The following PCSK2 variants were observed in gnomAD, a reference collection of about 807,000 sequenced individuals.
PCSK2 encodes proprotein convertase subtilisin/kexin type 2, also known as neuroendocrine convertase 2.
PCSK2 carries 14 observed loss-of-function variants against 69.7 expected under a neutral mutation model. The observed-to-expected ratio is 0.20, with a 90% CI of 0.13 to 0.31. The LOEUF (loss-of-function observed/expected upper bound fraction) is 0.31. Among genes scored for constraint, PCSK2 ranks in the 10% least tolerant of loss-of-function variants. The pLI is 1.00. For missense variants in PCSK2, 544 were observed against 842.5 expected, an observed-to-expected ratio of 0.65 and a Z score of 4.39; for synonymous variants, 307 against 320.7, an observed-to-expected ratio of 0.96 and a Z score of 0.46.
intron 2 of PCSK2, among the ~76,000 whole-genome samples, chr20:17,352,887 T>A (rs560221624): frequency 6.6e-6 from 1 of 152,012 alleles, no homozygotes; most frequent in East Asian, 1.9e-4. Context: ...AAAGAAACTA[T>A]CAACAGAGTA....
chr20:17,239,231 A>T (rs972075075), intron 1 of PCSK2, among the ~76,000 whole-genome samples: 43 of 152,292 alleles, frequency 2.8e-4, no homozygotes, highest in African/African-American at 8.9e-4. Flanking sequence ...TATCACTTTT[A>T]TCAGGGCACC....
chr20:17,414,707 C>T (rs948676573), intron 6 of PCSK2, among the ~76,000 whole-genome samples: 2 of 152,306 alleles, frequency 1.3e-5, no homozygotes, highest in African/African-American at 4.8e-5. Flanking sequence ...CATCCTGATA[C>T]CAAAGCCTGG....
intron 2 of PCSK2, among the ~76,000 whole-genome samples, chr20:17,339,231 C>A (rs1990440515): frequency 6.6e-6 from 1 of 152,168 alleles, no homozygotes; most frequent in Non-Finnish European, 1.5e-5. Flanking sequence ...CTTTCATTTG[C>A]TTTTTGACCT....
rs76865673 is a variant in PCSK2, at chr20:17,285,855, G to A, written c.282+25511G>A. Among the ~76,000 whole-genome samples the A allele has an allele frequency of 4.2e-3, 637 of 152,288 alleles. 9 individuals carry two copies. The highest frequency in any genetic ancestry group is 0.014 in the African/African-American group (582 of 41,568). Reference sequence around the variant, plus strand: ...CAGCACATCACAGACCCACCTATGAGTCAGTACTAATGGCAGTACTAGTGG... The same window carrying A: ...CAGCACATCACAGACCCACCTATGAATCAGTACTAATGGCAGTACTAGTGG... On this transcript the variant is annotated intron_variant, in intron 2 of 11. Transcript: ENST00000262545.
At chr20:17,299,952 T>C (rs1989022073) in intron 2 of PCSK2, among the ~76,000 whole-genome samples, 1 of 152,218 alleles carries the variant, frequency 6.6e-6, no homozygotes, top group African/African-American at 2.4e-5. Context: ...AAGCTAGTCT[T>C]CTTAGAGTCT....
intron 1 of PCSK2, among the ~76,000 whole-genome samples, chr20:17,233,007 A>G (rs1395858935): frequency 6.6e-6 from 1 of 152,158 alleles, no homozygotes; most frequent in East Asian, 1.9e-4. Flanking sequence ...TGTCTGGTTG[A>G]CCTAGACCAC....
At chr20:17,236,202 G>T (rs1440270694) in intron 1 of PCSK2, among the ~76,000 whole-genome samples, 1 of 151,944 alleles carries the variant, frequency 6.6e-6, no homozygotes, top group Non-Finnish European at 1.5e-5. Context: ...AAATCATTCA[G>T]TTTAATTATT....
intron 4 of PCSK2, among the ~76,000 whole-genome samples, chr20:17,368,213 G>T (rs1461176655): frequency 1.3e-5 from 2 of 152,156 alleles, no homozygotes; most frequent in Admixed American, 1.3e-4. Flanking sequence ...GATACTTCTG[G>T]CTTTTAGATA....
intron 2 of PCSK2, chr20:17,263,113 G>A (rs1987456794): frequency 9.1e-6 from 9 of 984,848 alleles, no homozygotes; most frequent in African/African-American, 3.5e-5. Context: ...TCCAAGCTCT[G>A]CTAGCAACCC....
At position 17,453,691 on chromosome 20, in the gene PCSK2, C is replaced by A. The variant is rs573543928; in HGVS notation, c.886-51C>A. The A allele has an allele frequency of 6.2e-7, 1 of 1,601,288 alleles. No individual in the cohort carries two copies. Among genetic ancestry groups the A allele is most frequent in the African/African-American group, 1.3e-5 (1 of 74,974 alleles). On this transcript the variant is annotated intron_variant, in intron 8 of 11. Coordinates refer to ENST00000262545, the MANE Select transcript of PCSK2 (RefSeq NM_002594.5). This position sits in a 1 kb window ranked among gnomAD's most constrained non-coding sequence, Gnocchi z 4.0. ...CCTGGGCTGGAGACCTCCCCTGCCC[C>A]CTCGCAGCCCAGGCTGTGGGTAGCG...
intron 11 of PCSK2, among the ~76,000 whole-genome samples, chr20:17,472,840 T>C (rs987668512): frequency 6.6e-6 from 1 of 152,172 alleles, no homozygotes; most frequent in Non-Finnish European, 1.5e-5. Context: ...GTGTTGGGAT[T>C]ACAGGCATGA....
chr20:17,246,545 A>G lies in PCSK2; in HGVS notation c.178-13695A>G, dbSNP rs369197675. On this transcript the variant is annotated intron_variant, in intron 1 of 11. Transcript: ENST00000262545. ...AAAGGAGAATGTAAAAGTATGAACC[A>G]AGAGAGGTTCCATGTTCCTGGTTTA... is the stretch of plus-strand genomic sequence containing the variant. 3.3e-5 allele frequency among the ~76,000 whole-genome samples: 5 copies of G among 152,346 alleles called. No homozygotes were observed. The East Asian group carries it at 9.6e-4, about 29-fold the overall frequency.
Position 17,260,260 on chromosome 20 carries a change from G to A in PCSK2, c.198G>A (p.Leu66=). 1.9e-6 allele frequency: 3 copies of A among 1,612,726 alleles called. No homozygotes were observed. The highest frequency in any genetic ancestry group is 2.2e-5 in the East Asian group (1 of 44,816). The change falls in exon 2 of 12, where the codon CTG becomes CTA. Residue 66 remains leucine (L), a synonymous_variant. Transcript: ENST00000262545. ...GVRKLPFAEG[L]YHFYHNGLAK... The stretch of plus-strand genomic sequence containing the variant: ...CACAGCTTCCCTTTGCTGAAGGTCT[G>A]TACCACTTTTATCACAATGGCCTTG...
intron 2 of PCSK2, among the ~76,000 whole-genome samples, chr20:17,289,399 T>C (rs1988621342): frequency 6.6e-6 from 1 of 152,232 alleles, no homozygotes; most frequent in Non-Finnish European, 1.5e-5. Flanking sequence ...GCCACTGTGG[T>C]TCTGAATGTC....
chr20:17,429,695 A>C (rs905595381), intron 7 of PCSK2, among the ~76,000 whole-genome samples, 172 bp downstream of exon 7: 1 of 152,214 alleles, frequency 6.6e-6, no homozygotes, highest in African/African-American at 2.4e-5. Flanking sequence ...ATAGTTTTAA[A>C]TTTTTAATTT....
intron 11 of PCSK2, chr20:17,479,431 T>C: frequency 3.4e-6 from 2 of 591,516 alleles, no homozygotes. Flanking sequence ...TACTCCTCCA[T>C]GGTAGCGCCT....
chr20:17,355,089 T>C (rs777375636), intron 2 of PCSK2, among the ~76,000 whole-genome samples: 1 of 152,194 alleles, frequency 6.6e-6, no homozygotes, highest in African/African-American at 2.4e-5. Context: ...GCAGCATTCC[T>C]AAGCATCACT....
chr20:17,252,871 C>T (rs1461842931), intron 1 of PCSK2, among the ~76,000 whole-genome samples: 1 of 152,148 alleles, frequency 6.6e-6, no homozygotes, highest in Non-Finnish European at 1.5e-5. Context: ...TGAAAAGATG[C>T]TCAAACTTTC....
At chr20:17,299,435 C>T (rs1989005130) in intron 2 of PCSK2, among the ~76,000 whole-genome samples, 2 of 151,732 alleles carry the variant, frequency 1.3e-5, no homozygotes, top group Non-Finnish European at 1.5e-5. Context: ...TTATATTTGC[C>T]AGTTTTCCTT....
Sources: allele counts gnomAD v4.1 joint callset (sites outside exome capture counted in the v4.1 genomes callset), GRCh38; gene constraint gnomAD v4.1.1; non-coding constraint Gnocchi (gnomAD v3.1); transcripts MANE v1.5; gene names NCBI Gene and HGNC (gene_info 2026-07-23, HGNC 2026-07-21).